The following C4orf50 variants were observed in gnomAD, a reference collection of about 807,000 sequenced individuals.
C4orf50 encodes chromosome 4 open reading frame 50, also known as uncharacterized protein C4orf50.
Under a neutral mutation model 77.2 loss-of-function variants are expected in C4orf50, and 80 were observed. The observed-to-expected ratio is 1.04, with a 90% CI of 0.87 to 1.25. C4orf50 has a LOEUF of 1.25. Ranked by LOEUF, C4orf50 falls within the 50% of genes most tolerant of loss-of-function variation. The probability of loss-of-function intolerance (pLI) is 0.00; values close to 1 mark genes in which losing one functional copy is unlikely to be tolerated. For missense variants in C4orf50, 1,257 were observed against 1,152.9 expected, an observed-to-expected ratio of 1.09 and a Z score of -1.31; for synonymous variants, 532 against 465.3, an observed-to-expected ratio of 1.14 and a Z score of -1.84.
chr4:5,949,948 C>T (rs1718645894), intron 7 of C4orf50, among the ~76,000 whole-genome samples: 1 of 139,028 alleles, frequency 7.2e-6, no homozygotes, highest in African/African-American at 2.7e-5. Flanking sequence ...AAGATCGCGC[C>T]ATTGCACTCC....
At chr4:5,974,333 G>C (rs537717944) in intron 30 of C4orf50, among the ~76,000 whole-genome samples, 12 of 152,340 alleles carry the variant, frequency 7.9e-5, no homozygotes, top group Admixed American at 3.9e-4. Flanking sequence ...ATGGTGATGA[G>C]AGCGGTGGGG....
chr4:6,010,943 T>C lies in C4orf50; in HGVS notation c.426+887A>G, dbSNP rs77331878. On this transcript the variant is annotated intron_variant, in intron 24 of 33. Coordinates refer to ENST00000531445, the Ensembl canonical transcript of C4orf50. ...ATCTGAGGGGATTGGTACTATATCA[T>C]TCCCACTTCACAGATGAGGAAACTG... Among the ~76,000 whole-genome samples the C allele has an allele frequency of 7.2e-3, 1,094 of 152,322 alleles. 14 individuals are homozygous for C. Among genetic ancestry groups the C allele is most frequent in the African/African-American group, 0.025 (1,047 of 41,566 alleles).
rs531300536 is a variant in C4orf50 at position 5,960,798 on chromosome 4, C to T, written c.4276-1172G>A. Among the ~76,000 whole-genome samples the T allele has an allele frequency of 7.2e-5, 11 of 152,280 alleles. No homozygotes were observed. In the East Asian group the frequency reaches 7.7e-4, roughly 11 times the overall value. On this transcript the variant is annotated intron_variant, in intron 33 of 33. Coordinates refer to ENST00000531445, the Ensembl canonical transcript of C4orf50. ...GCAGGGTTCTGTTATGTGTTTAAAA[C>T]GCAAGGTCATTCTGGGCTGACTAAT...
At chr4:5,944,560 G>A (rs561183741) in intron 7 of C4orf50, among the ~76,000 whole-genome samples, 72 of 152,312 alleles carry the variant, frequency 4.7e-4, no homozygotes, top group African/African-American at 1.5e-3. Context: ...GTGATCACAA[G>A]CCACACCTTG....
intron 7 of C4orf50, among the ~76,000 whole-genome samples, chr4:5,944,238 TC>T (rs1480717339): frequency 6.6e-6 from 1 of 152,172 alleles, no homozygotes; most frequent in African/African-American, 2.4e-5. Flanking sequence ...TCTCAGCTTC[TC>T]CTGGCTTTCC....
chr4:6,001,465 T>C (rs111263934), intron 25 of C4orf50, among the ~76,000 whole-genome samples: 1,680 of 152,352 alleles, frequency 0.011, 17 homozygotes, highest in Non-Finnish European at 0.012. Flanking sequence ...TCTTGGGTTC[T>C]TCCCTCTGAC....
chr4:5,966,787 C>G (rs1381863583), intron 32 of C4orf50, among the ~76,000 whole-genome samples: 2 of 151,698 alleles, frequency 1.3e-5, no homozygotes, highest in Non-Finnish European at 2.9e-5. Flanking sequence ...GTAGCTGGGA[C>G]TACAAGCATG....
At chr4:5,971,016 G>A (rs1719877486) in intron 31 of C4orf50, among the ~76,000 whole-genome samples, 1 of 152,162 alleles carries the variant, frequency 6.6e-6, no homozygotes, top group Non-Finnish European at 1.5e-5. Context: ...AGGGGCCAGA[G>A]AATGGGAGCG....
intron 25 of C4orf50, among the ~76,000 whole-genome samples, chr4:6,001,537 T>C (rs1226624990): frequency 6.6e-6 from 1 of 152,188 alleles, no homozygotes; most frequent in African/African-American, 2.4e-5. Flanking sequence ...GGAGATGGCA[T>C]GTCCCAAGAA....
chr4:5,994,016 G>A (rs541830121), intron 26 of C4orf50, among the ~76,000 whole-genome samples: 5 of 152,086 alleles, frequency 3.3e-5, no homozygotes, highest in African/African-American at 7.2e-5. Flanking sequence ...GCCATCATAC[G>A]GACTTCTGTG....
chr4:5,933,759 T>A (rs1383727755), intron 7 of C4orf50, among the ~76,000 whole-genome samples: 2 of 152,082 alleles, frequency 1.3e-5, no homozygotes, highest in Non-Finnish European at 2.9e-5. Context: ...CCAGACCCCC[T>A]TGAAGGACAC....
In C4orf50 at chr4:6,011,075, C is replaced by T. The variant is rs1373775729; in HGVS notation, c.426+755G>A. On this transcript the variant is annotated intron_variant, in intron 24 of 33. Transcript: ENST00000531445. This position sits in a 1 kb window ranked among gnomAD's most constrained non-coding sequence, Gnocchi z 4.2. ...CTCCAGAGCCCCCCACCCTTAACTG[C>T]CCACTGCTTCTCCAGAGAGCTCTCG... 6.6e-6 allele frequency among the ~76,000 whole-genome samples: 1 copy of T among 152,180 alleles called. No individual in the cohort carries two copies. Among genetic ancestry groups the T allele is most frequent in the South Asian group, 2.1e-4 (1 of 4,832 alleles).
exon 30 of C4orf50, chr4:5,975,926 T>C (rs750540592): frequency 5.0e-6 from 8 of 1,614,082 alleles, no homozygotes; most frequent in Non-Finnish European, 6.8e-6. Flanking sequence ...CCAACTTTGC[T>C]TCATGTTGCT....
intron 7 of C4orf50, among the ~76,000 whole-genome samples, chr4:5,911,312 T>A (rs1716797400): frequency 6.6e-6 from 1 of 152,184 alleles, no homozygotes; most frequent in Admixed American, 6.5e-5. Context: ...CAAACATGGA[T>A]GTGTCCTCTG....
At chr4:5,925,904 C>G (rs1247035296) in intron 7 of C4orf50, among the ~76,000 whole-genome samples, 1 of 152,132 alleles carries the variant, frequency 6.6e-6, no homozygotes, top group African/African-American at 2.4e-5. Flanking sequence ...AGATGCAGAC[C>G]CAGGGCAAGA....
chr4:5,910,517 T>C (rs902314532), intron 7 of C4orf50, among the ~76,000 whole-genome samples: 5 of 152,222 alleles, frequency 3.3e-5, no homozygotes, highest in Admixed American at 3.3e-4. Context: ...TTAATTAACA[T>C]ACTAGTTATT....
At chr4:5,911,865 G>T (rs1035105840) in intron 7 of C4orf50, among the ~76,000 whole-genome samples, 1 of 152,172 alleles carries the variant, frequency 6.6e-6, no homozygotes, top group Non-Finnish European at 1.5e-5. Context: ...GGCCAACATG[G>T]TGAAACCCCG....
chr4:5,996,559 C>T (rs1165258786), intron 25 of C4orf50, among the ~76,000 whole-genome samples: 1 of 152,100 alleles, frequency 6.6e-6, no homozygotes, highest in Non-Finnish European at 1.5e-5. Context: ...TGGTCAACCT[C>T]CTCCCCTTCT....
At chr4:5,899,405 G>A (rs1716252805) in intron 7 of C4orf50, 1 of 152,222 alleles carries the variant, frequency 6.6e-6, no homozygotes, top group African/African-American at 2.4e-5. Flanking sequence ...GAATTGTGCA[G>A]TGACCAGTCA....
Sources: gnomAD v4.1 joint callset for allele counts (sites outside exome capture counted in the v4.1 genomes callset) on GRCh38, gnomAD v4.1.1 for gene constraint, Gnocchi (gnomAD v3.1) non-coding constraint, MANE v1.5 for transcripts, NCBI Gene and HGNC (gene_info 2026-07-23, HGNC 2026-07-21) for gene names.